Variants in GRIK4 observed in about 807,000 individuals in gnomAD.
GRIK4 encodes the protein glutamate receptor ionotropic, kainate 4.
GRIK4 carries 40 observed loss-of-function variants against 104.9 expected under a neutral mutation model. The observed-to-expected ratio is 0.38, with a 90% CI of 0.30 to 0.50. GRIK4 has a LOEUF of 0.50. Among genes scored for constraint, GRIK4 ranks in the 20% least tolerant of loss-of-function variants. GRIK4 has a pLI of 0.93. For missense variants in GRIK4, 1,047 were observed against 1,308.1 expected, an observed-to-expected ratio of 0.80 and a Z score of 3.08; for synonymous variants, 485 against 524.9, an observed-to-expected ratio of 0.92 and a Z score of 1.04.
chr11:120,747,285 T>C (rs1314903873), intron 3 of GRIK4, among the ~76,000 whole-genome samples: 1 of 152,152 alleles, frequency 6.6e-6, no homozygotes, highest in East Asian at 1.9e-4. Flanking sequence ...TGGTCTTTAG[T>C]TCACATTTGT....
rs769044693 is a variant in GRIK4 at position 120,875,238 on chromosome 11, C to T, written c.1159C>T (p.Arg387Trp). 6 of 1,603,178 alleles carry T rather than the reference C, an allele frequency of 3.7e-6. No individual in the cohort carries two copies. The highest frequency in any genetic ancestry group is 1.7e-5 in the Admixed American group (1 of 60,010). The change falls in exon 11 of 21, where the codon CGG (arginine) becomes TGG (tryptophan). Residue 387 changes from arginine to tryptophan, a missense_variant. Transcript: ENST00000527524. ...KILQFTRNGF[R>W]QIGQWHVAEG... is the part of the protein sequence containing the mutation. ...CTTACAGTTCACAAGGAATGGTTTTCGGCAGGTAAGCCTAGCTGCACCGTG... is the reference window on the plus strand; with the variant it reads ...CTTACAGTTCACAAGGAATGGTTTTTGGCAGGTAAGCCTAGCTGCACCGTG...
At chr11:120,717,041 G>A (rs1209612370) in intron 3 of GRIK4, among the ~76,000 whole-genome samples, 1 of 152,224 alleles carries the variant, frequency 6.6e-6, no homozygotes, top group Non-Finnish European at 1.5e-5. Flanking sequence ...CCCAAGAGGG[G>A]AAAGGATGCT....
At chr11:120,950,290 G>A (rs1435769993) in intron 14 of GRIK4, among the ~76,000 whole-genome samples, 1 of 152,166 alleles carries the variant, frequency 6.6e-6, no homozygotes, top group East Asian at 1.9e-4. Context: ...CTTTGTTTAT[G>A]TCATGGTTTT....
intron 8 of GRIK4, among the ~76,000 whole-genome samples, chr11:120,845,514 C>G (rs1953828570): frequency 6.6e-6 from 1 of 152,138 alleles, no homozygotes; most frequent in African/African-American, 2.4e-5. Context: ...AACTCTACAG[C>G]TGTTATCAGA....
chr11:120,891,254 G>A (rs1448965031), intron 11 of GRIK4, among the ~76,000 whole-genome samples: 9 of 152,218 alleles, frequency 5.9e-5, no homozygotes. Flanking sequence ...CAGCCTGGAA[G>A]GAATCTGAGC....
chr11:120,778,278 A>G (rs1952082422), intron 3 of GRIK4, among the ~76,000 whole-genome samples: 1 of 152,220 alleles, frequency 6.6e-6, no homozygotes, highest in East Asian at 1.9e-4. Flanking sequence ...AGGAGTTGAA[A>G]AGTGTCTTTG....
At chr11:120,816,962 C>T (rs1952976844) in intron 5 of GRIK4, among the ~76,000 whole-genome samples, 2 of 152,120 alleles carry the variant, frequency 1.3e-5, no homozygotes, top group East Asian at 1.9e-4. Flanking sequence ...TCTCCCAGGC[C>T]GTGGCCCAGG....
At chr11:120,512,721 C>T (rs1202351277) in intron 1 of GRIK4, among the ~76,000 whole-genome samples, 1 of 152,126 alleles carries the variant, frequency 6.6e-6, no homozygotes, top group Admixed American at 6.5e-5. Context: ...TCCGACCTGG[C>T]TGGGGTGGAG....
chr11:120,821,628 G>A (rs1487974413), intron 6 of GRIK4, among the ~76,000 whole-genome samples: 1 of 152,204 alleles, frequency 6.6e-6, no homozygotes, highest in Non-Finnish European at 1.5e-5. Flanking sequence ...CAAAGGAGTT[G>A]GGAACTGGAA....
In GRIK4 at chr11:120,905,039, C is replaced by T. The variant is rs969652822; in HGVS notation, c.1273-251C>T. Among the ~76,000 whole-genome samples, 1 of 152,186 alleles carries T rather than the reference C, an allele frequency of 6.6e-6. No individual in the cohort carries two copies. The highest frequency in any genetic ancestry group is 2.4e-5 in the African/African-American group (1 of 41,446). Reference sequence around the variant, plus strand: ...GATGACCTTAAACAAGTTGAAGCAGCTTGAGCCTGACCCTCCATGCAGTGG... The same window carrying T: ...GATGACCTTAAACAAGTTGAAGCAGTTTGAGCCTGACCCTCCATGCAGTGG... On this transcript the variant is annotated intron_variant, in intron 12 of 20. Transcript: ENST00000527524. This position sits in a 1 kb window ranked among gnomAD's most constrained non-coding sequence, Gnocchi z 5.1.
intron 13 of GRIK4, among the ~76,000 whole-genome samples, chr11:120,928,469 G>C (rs924289977): frequency 3.9e-5 from 6 of 152,162 alleles, no homozygotes; most frequent in Non-Finnish European, 8.8e-5. Context: ...GAATGGCAGA[G>C]TCGGGATTCA....
intron 1 of GRIK4, among the ~76,000 whole-genome samples, chr11:120,522,058 C>A (rs996730043): frequency 5.3e-5 from 8 of 152,148 alleles, no homozygotes; most frequent in African/African-American, 1.9e-4. Flanking sequence ...AATACATAAC[C>A]ACAGAGGTTA....
At chr11:120,880,496 A>C (rs114274707) in intron 11 of GRIK4, among the ~76,000 whole-genome samples, 27 of 152,352 alleles carry the variant, frequency 1.8e-4, no homozygotes, top group African/African-American at 5.5e-4. Context: ...GTACAAGTCC[A>C]AGTACAAGTA....
At chr11:120,982,340 C>G (rs1944666585) in intron 20 of GRIK4, 116 bp downstream of exon 20, 1 of 697,344 alleles carries the variant, frequency 1.4e-6, no homozygotes, top group African/African-American at 1.8e-5. Context: ...CAAAGAGAAT[C>G]CCAGTGCCCA....
At chr11:120,637,583 C>T (rs573630529) in intron 1 of GRIK4, among the ~76,000 whole-genome samples, 2 of 152,282 alleles carry the variant, frequency 1.3e-5, no homozygotes, top group South Asian at 2.1e-4. Context: ...CCAGCAACAG[C>T]GAGCCATGTG....
At chr11:120,776,602 G>T (rs966214853) in intron 3 of GRIK4, among the ~76,000 whole-genome samples, 1 of 152,174 alleles carries the variant, frequency 6.6e-6, no homozygotes, top group Non-Finnish European at 1.5e-5. Flanking sequence ...AGAACGATTT[G>T]TTGTCTCACA....
intron 8 of GRIK4, among the ~76,000 whole-genome samples, chr11:120,854,347 A>C (rs915331937): frequency 3.1e-4 from 47 of 152,234 alleles, no homozygotes; most frequent in Admixed American, 6.5e-5. Flanking sequence ...CACCACTGTT[A>C]GGAAGCAGAG....
At chr11:120,748,493 C>G (rs2852224) in intron 3 of GRIK4, among the ~76,000 whole-genome samples, 2 of 151,980 alleles carry the variant, frequency 1.3e-5, no homozygotes, top group Non-Finnish European at 2.9e-5. Flanking sequence ...TTTCCACTCT[C>G]CCCCAGGCAC....
rs771035672 is a variant in GRIK4, at chr11:120,967,340, C to T, written c.2395+17C>T. Reference sequence around the variant, plus strand: ...GAGCTAAAGGTAAGGACGTTCAGGGCCATCCTCCTCCTGCCCTAGAGGACC... The same window carrying T: ...GAGCTAAAGGTAAGGACGTTCAGGGTCATCCTCCTCCTGCCCTAGAGGACC... On this transcript the variant is annotated intron_variant, in intron 19 of 20. Transcript: ENST00000527524. This position sits in a 1 kb window ranked among gnomAD's most constrained non-coding sequence, Gnocchi z 4.2. 1.4e-5 allele frequency: 22 copies of T among 1,601,224 alleles called. No individual in the cohort carries two copies. Among genetic ancestry groups the T allele is most frequent in the Non-Finnish European group, 2.6e-6 (3 of 1,174,004 alleles).
Sources: allele counts gnomAD v4.1 joint callset (sites outside exome capture counted in the v4.1 genomes callset), GRCh38; gene constraint gnomAD v4.1.1; non-coding constraint Gnocchi (gnomAD v3.1); transcripts MANE v1.5; gene names NCBI Gene and HGNC (gene_info 2026-07-23, HGNC 2026-07-21).